The following RFTN1 variants were observed in gnomAD, a reference collection of about 807,000 sequenced individuals.
RFTN1 encodes raftlin, lipid raft linker 1.
A neutral mutation model predicts 46.5 loss-of-function variants in RFTN1; 26 were observed. The observed-to-expected ratio is 0.56, with a 90% CI of 0.41 to 0.78. RFTN1 has a LOEUF of 0.78. Among genes scored for constraint, RFTN1 ranks in the 30% least tolerant of loss-of-function variants. The pLI, the probability that RFTN1 is intolerant of heterozygous loss-of-function variation, is 0.00. For synonymous variants in RFTN1, 261 were observed against 284.2 expected (o/e 0.92, Z 0.82); for missense variants, 693 against 718.7 (o/e 0.96, Z 0.41).
At position 16,428,197 on chromosome 3, in the gene RFTN1, C is replaced by T. The variant is rs2075320326; in HGVS notation, c.332+5654G>A. ...ATTCTATTCAATAGGCAGATGTGCC[C>T]CAGAATGAACTCGAGAAGGGAGGCG... On this transcript the variant is annotated intron_variant, in intron 3 of 9. Coordinates refer to ENST00000334133, the MANE Select transcript of RFTN1 (RefSeq NM_015150.2). This position sits in a 1 kb window ranked among gnomAD's most constrained non-coding sequence, Gnocchi z 4.7. Among the ~76,000 whole-genome samples the T allele has an allele frequency of 6.6e-6, 1 of 152,096 alleles. No individual in the cohort carries two copies. Among genetic ancestry groups the T allele is most frequent in the South Asian group, 2.1e-4 (1 of 4,830 alleles).
At chr3:16,496,718 T>C (rs917733330) in intron 1 of RFTN1, among the ~76,000 whole-genome samples, 14 of 152,168 alleles carry the variant, frequency 9.2e-5, no homozygotes, top group African/African-American at 3.4e-4. Flanking sequence ...CGGAAATTCC[T>C]CTCCTGGGTA....
rs370906454 is a variant in RFTN1, at chr3:16,400,122, A to G, written c.441+9253T>C. Among the ~76,000 whole-genome samples, 4 of 152,176 alleles carry G rather than the reference A, an allele frequency of 2.6e-5. No individual in the cohort carries two copies. The highest frequency in any genetic ancestry group is 9.7e-5 in the African/African-American group (4 of 41,436). ...AGCAGCTTTGCACTACACTTAGGAT[A>G]AAGGGCCCCATCCTCAGCCTGGCCT... On this transcript the variant is annotated intron_variant, in intron 4 of 9. Coordinates refer to ENST00000334133, the MANE Select transcript of RFTN1 (RefSeq NM_015150.2). The surrounding 1 kb of genome is among the most constrained non-coding windows in gnomAD (Gnocchi z 4.5).
rs1025465245 is a variant in RFTN1, at chr3:16,459,654, T to C, written c.146-25617A>G. Among the ~76,000 whole-genome samples the C allele has an allele frequency of 7.2e-5, 11 of 152,120 alleles. No individual in the cohort carries two copies. The highest frequency in any genetic ancestry group is 1.6e-4 in the Non-Finnish European group (11 of 68,016). On this transcript the variant is annotated intron_variant, in intron 2 of 9. Transcript: ENST00000334133. The surrounding 1 kb of genome is among the most constrained non-coding windows in gnomAD (Gnocchi z 4.2). ...TTACAAATAAAACTCAACTCTACAT[T>C]CAAAATTTTCTTAAAATTTTTCTTA...
chr3:16,505,460 T>C (rs951668389), intron 1 of RFTN1, among the ~76,000 whole-genome samples: 5 of 152,144 alleles, frequency 3.3e-5, no homozygotes, highest in South Asian at 2.1e-4. Context: ...TGTACCCAGA[T>C]AGAGAGAGAC....
chr3:16,421,033 C>T lies in RFTN1; in HGVS notation c.333-11550G>A, dbSNP rs1382249134. 6.6e-6 allele frequency among the ~76,000 whole-genome samples: 1 copy of T among 152,130 alleles called. No homozygotes were observed. Among genetic ancestry groups the T allele is most frequent in the Non-Finnish European group, 1.5e-5 (1 of 68,034 alleles). ...CAAATGCTGAGTGGATCAATTGTCT[C>T]CAAATTTTTCTGATCACACAGCGTG... On this transcript the variant is annotated intron_variant, in intron 3 of 9. Transcript: ENST00000334133. This position sits in a 1 kb window ranked among gnomAD's most constrained non-coding sequence, Gnocchi z 4.6.
intron 1 of RFTN1, among the ~76,000 whole-genome samples, chr3:16,511,290 T>A (rs2125018801): frequency 6.6e-6 from 1 of 152,336 alleles, no homozygotes; most frequent in South Asian, 2.1e-4. Context: ...AATTTTATCT[T>A]AAGGAAACCA....
intron 2 of RFTN1, among the ~76,000 whole-genome samples, chr3:16,478,125 G>T (rs1250271920): frequency 6.6e-6 from 1 of 152,170 alleles, no homozygotes; most frequent in Non-Finnish European, 1.5e-5. Flanking sequence ...ACTCACAGCT[G>T]CCCCTTCCTC....
rs550514462 is a variant in RFTN1 at position 16,334,777 on chromosome 3, G to A, written c.1147-7901C>T. ...GCCTGTGAAAATGTTCCCTTCGCAT[G>A]GTAAAGGGATGTGGCAGATATGATT... On this transcript the variant is annotated intron_variant, in intron 7 of 9. Transcript: ENST00000334133. This position sits in a 1 kb window ranked among gnomAD's most constrained non-coding sequence, Gnocchi z 4.3. Among the ~76,000 whole-genome samples the A allele has an allele frequency of 7.2e-5, 11 of 152,324 alleles. No homozygotes were observed. Among genetic ancestry groups the A allele is most frequent in the Non-Finnish European group, 1.5e-4 (10 of 68,030 alleles).
intron 1 of RFTN1, among the ~76,000 whole-genome samples, chr3:16,496,168 G>C (rs773670304): frequency 3.3e-5 from 5 of 152,256 alleles, no homozygotes; most frequent in Non-Finnish European, 7.3e-5. Context: ...CCAAGAAAGA[G>C]AGGAAGCCCC....
chr3:16,316,761 A>G lies in RFTN1; in HGVS notation c.*67T>C. The G allele has an allele frequency of 6.3e-7, 1 of 1,595,248 alleles. No individual in the cohort carries two copies. Among genetic ancestry groups the G allele is most frequent in the Non-Finnish European group, 8.6e-7 (1 of 1,165,700 alleles). On this transcript the variant is annotated 3_prime_UTR_variant, in exon 10 of 10. Coordinates refer to ENST00000334133, the MANE Select transcript of RFTN1 (RefSeq NM_015150.2). This position sits in a 1 kb window ranked among gnomAD's most constrained non-coding sequence, Gnocchi z 4.5. ...ACAACACCAGGGAAACCAGCCCCCA[A>G]ACCAGCTGTTGGTAAGATGCCTTGG...
intron 3 of RFTN1, among the ~76,000 whole-genome samples, chr3:16,411,102 G>A (rs955073041): frequency 2.0e-5 from 3 of 152,126 alleles, no homozygotes; most frequent in African/African-American, 4.8e-5. Flanking sequence ...GGAGGAGGGA[G>A]CAGAGCCCTC....
chr3:16,416,866 A>T lies in RFTN1; in HGVS notation c.333-7383T>A, dbSNP rs548918279. Reference sequence around the variant, plus strand: ...CTTCTTGCTTTCCTTACTTTTAAAAATTTTTTTATTATGATAAAATACACA... The same window carrying T: ...CTTCTTGCTTTCCTTACTTTTAAAATTTTTTTTATTATGATAAAATACACA... On this transcript the variant is annotated intron_variant, in intron 3 of 9. Coordinates refer to ENST00000334133, the MANE Select transcript of RFTN1 (RefSeq NM_015150.2). Among the ~76,000 whole-genome samples the T allele has an allele frequency of 2.1e-4, 32 of 152,250 alleles. No individual in the cohort carries two copies. The East Asian group carries it at 2.9e-3, about 14-fold the overall frequency.
rs974973956 is a variant in RFTN1 at position 16,474,015 on chromosome 3, G to A, written c.145+19710C>T. Among the ~76,000 whole-genome samples, 2 of 152,124 alleles carry A rather than the reference G, an allele frequency of 1.3e-5. No individual in the cohort carries two copies. Among genetic ancestry groups the A allele is most frequent in the African/African-American group, 2.4e-5 (1 of 41,412 alleles). Reference sequence around the variant, plus strand: ...TGGAGAGGGATTGATTAGGACAAACGCCCTCATTTTGCAGATGAAGGAATG... The same window carrying A: ...TGGAGAGGGATTGATTAGGACAAACACCCTCATTTTGCAGATGAAGGAATG... On this transcript the variant is annotated intron_variant, in intron 2 of 9. Transcript: ENST00000334133. The surrounding 1 kb of genome is among the most constrained non-coding windows in gnomAD (Gnocchi z 5.5).
In RFTN1 at chr3:16,473,399, T is replaced by A. The variant is rs1207366450; in HGVS notation, c.145+20326A>T. On this transcript the variant is annotated intron_variant, in intron 2 of 9. Transcript: ENST00000334133. This position sits in a 1 kb window ranked among gnomAD's most constrained non-coding sequence, Gnocchi z 5.3. ...CAAAAATACTCTGTTTTCTTTCTTT[T>A]TTCTTTTTTTTTTTTTCCTGAGATA... Among the ~76,000 whole-genome samples, 1 of 149,078 alleles carries A rather than the reference T, an allele frequency of 6.7e-6. No homozygotes were observed. Among genetic ancestry groups the A allele is most frequent in the Non-Finnish European group, 1.5e-5 (1 of 67,812 alleles).
At chr3:16,391,859 T>G (rs1185768) in intron 4 of RFTN1, among the ~76,000 whole-genome samples, 1 of 32,430 alleles carries the variant, frequency 3.1e-5, no homozygotes, top group African/African-American at 8.1e-5. Context: ...AGTGCAAAGG[T>G]TTTTTTTTTG....
At chr3:16,488,488 C>T (rs1406568617) in intron 2 of RFTN1, among the ~76,000 whole-genome samples, 9 of 152,120 alleles carry the variant, frequency 5.9e-5, no homozygotes, top group Admixed American at 5.9e-4. Flanking sequence ...CTTGTATTTG[C>T]CTAAGAGTCA....
In RFTN1 at chr3:16,504,423, T is replaced by C. The variant is rs1183942828; in HGVS notation, c.-9+9019A>G. ...ACCCAAAATGTAGCTTGTAAAGATATGACATCATCAAGAGTAATATGGTAC... is the reference window on the plus strand; with the variant it reads ...ACCCAAAATGTAGCTTGTAAAGATACGACATCATCAAGAGTAATATGGTAC... On this transcript the variant is annotated intron_variant, in intron 1 of 9. Transcript: ENST00000334133. This position sits in a 1 kb window ranked among gnomAD's most constrained non-coding sequence, Gnocchi z 4.4. Among the ~76,000 whole-genome samples the C allele has an allele frequency of 1.3e-5, 2 of 152,210 alleles. No homozygotes were observed. Among genetic ancestry groups the C allele is most frequent in the Non-Finnish European group, 2.9e-5 (2 of 68,044 alleles).
At chr3:16,319,997 T>A (rs2068861600) in intron 9 of RFTN1, among the ~76,000 whole-genome samples, 1 of 152,222 alleles carries the variant, frequency 6.6e-6, no homozygotes, top group South Asian at 2.1e-4. Context: ...AGAGCATCTG[T>A]GGCAGTTGGG....
At chr3:16,403,239 G>A (rs1054604042) in intron 4 of RFTN1, among the ~76,000 whole-genome samples, 5 of 152,064 alleles carry the variant, frequency 3.3e-5, no homozygotes, top group African/African-American at 9.7e-5. Context: ...ATACAGGAGA[G>A]GTAGCATGGC....
Sources: gnomAD v4.1 joint callset for allele counts (sites outside exome capture counted in the v4.1 genomes callset) on GRCh38, gnomAD v4.1.1 for gene constraint, Gnocchi (gnomAD v3.1) non-coding constraint, MANE v1.5 for transcripts, NCBI Gene and HGNC (gene_info 2026-07-23, HGNC 2026-07-21) for gene names.